The following GGA2 variants were observed in gnomAD, a reference collection of about 807,000 sequenced individuals.
GGA2 encodes the protein ADP-ribosylation factor-binding protein GGA2.
Under a neutral mutation model 79.5 loss-of-function variants are expected in GGA2, and 48 were observed. That is an observed-to-expected ratio of 0.60 (90% CI 0.48 to 0.77). The LOEUF (loss-of-function observed/expected upper bound fraction) is 0.77, where lower values mean the gene tolerates loss of function less well. Among genes scored for constraint, GGA2 ranks in the 30% least tolerant of loss-of-function variants. The pLI, the probability that GGA2 is intolerant of heterozygous loss-of-function variation, is 0.00. For synonymous variants in GGA2, 317 were observed against 302.0 expected, an observed-to-expected ratio of 1.05 and a Z score of -0.51; for missense variants, 770 against 774.0, an observed-to-expected ratio of 0.99 and a Z score of 0.06.
Position 23,493,279 on chromosome 16 carries a change from C to A in GGA2, c.351+81G>T. ...AGGTTTTGTCCATGCGTGGGCCTGC[C>A]TCTGGCCTGAGGAGGGAGCCAGGAG... On this transcript the variant is annotated intron_variant, in intron 4 of 16. Transcript: ENST00000309859. 1.3e-5 allele frequency: 11 copies of A among 854,180 alleles called. No individual in the cohort carries two copies. The South Asian group carries it at 1.5e-4, about 11-fold the overall frequency. The allele number at this position is 854,180 out of a possible 1,614,324, so 52.9% of individuals were successfully genotyped here. A position where few individuals can be genotyped will look rare whatever the true frequency, so the allele number is the denominator to read the frequency against.
upstream of GGA2, among the ~76,000 whole-genome samples, chr16:23,512,889 G>A (rs1440290283): frequency 6.6e-6 from 1 of 151,818 alleles, no homozygotes; most frequent in Non-Finnish European, 1.5e-5. Flanking sequence ...ATCTTTAGTA[G>A]AGACAGCGTT....
chr16:23,475,668 C>T (rs1429128609), intron 13 of GGA2, among the ~76,000 whole-genome samples: 2 of 151,492 alleles, frequency 1.3e-5, no homozygotes, highest in Non-Finnish European at 2.9e-5. Context: ...TTTTGGGAGG[C>T]CGAGGCAGGT....
intron 1 of GGA2, among the ~76,000 whole-genome samples, chr16:23,496,121 T>C (rs1395749505): frequency 1.3e-5 from 2 of 151,732 alleles, no homozygotes; most frequent in African/African-American, 2.4e-5. Context: ...ACCAACATGA[T>C]GAAACCCCAT....
intron 3 of GGA2, chr16:23,494,040 T>C (rs1964823329): frequency 4.0e-6 from 2 of 499,882 alleles, no homozygotes; most frequent in South Asian, 2.5e-5. Flanking sequence ...CCAGCCCTGG[T>C]CTAAGAAGGG....
At chr16:23,502,122 C>G (rs1364182426) in intron 1 of GGA2, among the ~76,000 whole-genome samples, 1 of 152,226 alleles carries the variant, frequency 6.6e-6, no homozygotes, top group Non-Finnish European at 1.5e-5. Context: ...GTATGGTTCT[C>G]TGCCCACTGA....
chr16:23,504,144 C>CTGGTT (rs1964949881), intron 1 of GGA2, among the ~76,000 whole-genome samples: 1 of 150,656 alleles, frequency 6.6e-6, no homozygotes, highest in Non-Finnish European at 1.5e-5. Context: ...TCAGAACAAT[C>CTGGTT]CAGGTTGGCA....
chr16:23,504,169 A>G (rs1297061461), intron 1 of GGA2, among the ~76,000 whole-genome samples: 1 of 152,124 alleles, frequency 6.6e-6, no homozygotes, highest in Non-Finnish European at 1.5e-5. Context: ...CATCTACACC[A>G]TTTTACAGAT....
chr16:23,513,147 C>G (rs1965083698), upstream of GGA2, among the ~76,000 whole-genome samples: 2 of 152,162 alleles, frequency 1.3e-5, no homozygotes, highest in African/African-American at 2.4e-5. Flanking sequence ...TACAGTTTGC[C>G]AAGGACCATC....
upstream of GGA2, among the ~76,000 whole-genome samples, chr16:23,511,284 C>T (rs1015544209): frequency 2.7e-5 from 4 of 146,898 alleles, no homozygotes; most frequent in African/African-American, 1.0e-4. Context: ...TCCCGAGTAG[C>T]TGGGACTACA....
Position 23,478,410 on chromosome 16 carries a change from T to C in GGA2, c.1250A>G (p.Asn417Ser). 6.2e-7 allele frequency: 1 copy of C among 1,610,686 alleles called. No homozygotes were observed. Among genetic ancestry groups the C allele is most frequent in the Non-Finnish European group, 8.5e-7 (1 of 1,177,848 alleles). The change falls in exon 13 of 17, where the codon AAT becomes AGT. Residue 417 changes from asparagine (N) to serine (S), a missense_variant. Transcript: ENST00000309859. ...CTGTGCTGAGAGGAGGTCCAGCAAA[T>C]TCCTGTCTGCAGAAGGGTTCTGAAC... ...GGVQNPSADR[N>S]LLDLLSAQPA...
chr16:23,475,183 A>T, intron 13 of GGA2, 122 bp from the exon 14 acceptor site: 3 of 491,238 alleles, frequency 6.1e-6, no homozygotes, highest in Non-Finnish European at 1.1e-5. Context: ...GTTAGATGTT[A>T]TATGCCTTTT....
chr16:23,520,518 G>A (rs892435018), intron 1 of GGA2, among the ~76,000 whole-genome samples: 4 of 152,044 alleles, frequency 2.6e-5, no homozygotes, highest in African/African-American at 9.7e-5. Flanking sequence ...TTAGCCAGGT[G>A]TGGTGGCATG....
At chr16:23,477,014 T>A (rs941133150) in intron 13 of GGA2, among the ~76,000 whole-genome samples, 1 of 152,170 alleles carries the variant, frequency 6.6e-6, no homozygotes, top group African/African-American at 2.4e-5. Flanking sequence ...TGCAGTGGCA[T>A]AGTAATGGCT....
At chr16:23,485,952 G>A in intron 8 of GGA2, 63 bp downstream of exon 8, 1 of 1,484,392 alleles carries the variant, frequency 6.7e-7, no homozygotes, top group Non-Finnish European at 9.3e-7. Context: ...GTGCAAACAG[G>A]TGAAAGCATT....
intron 6 of GGA2, among the ~76,000 whole-genome samples, chr16:23,487,584 G>A (rs1002418372): frequency 6.6e-6 from 1 of 152,110 alleles, no homozygotes; most frequent in Non-Finnish European, 1.5e-5. Flanking sequence ...GCCTGGCACA[G>A]AGAAGTCACT....
chr16:23,495,170 G>C (rs931987210), intron 2 of GGA2, among the ~76,000 whole-genome samples: 3 of 152,086 alleles, frequency 2.0e-5, no homozygotes, highest in Admixed American at 6.5e-5. Context: ...CTATCCAGAT[G>C]CTGTGGAAAC....
In GGA2 at chr16:23,494,011, G is replaced by A; in HGVS notation, c.252+292C>T. The A allele has an allele frequency of 6.7e-6, 3 of 447,466 alleles. No individual in the cohort carries two copies. The South Asian group carries it at 8.5e-5, about 13-fold the overall frequency. The allele number at this position is 447,466 out of a possible 1,614,324, so 27.7% of individuals were successfully genotyped here. A position where few individuals can be genotyped will look rare whatever the true frequency, so the allele number is the denominator to read the frequency against. On this transcript the variant is annotated intron_variant, in intron 3 of 16. Transcript: ENST00000309859. ...CCCTGTGCTAGAACTGCCCTCTCTA[G>A]AAAAGGCACATGAACTTGCCAGCCC...
At chr16:23,493,495 G>C (rs754177905) in intron 3 of GGA2, 37 bp from the exon 4 acceptor site, 3 of 1,333,076 alleles carry the variant, frequency 2.3e-6, no homozygotes, top group Non-Finnish European at 3.3e-6. Flanking sequence ...AAGGTGGAAA[G>C]CCAGTGGTCC....
chr16:23,500,232 C>A (rs1440164409), intron 1 of GGA2, among the ~76,000 whole-genome samples: 2 of 152,196 alleles, frequency 1.3e-5, no homozygotes, highest in South Asian at 4.1e-4. Flanking sequence ...GCCCTGCCAG[C>A]GTGCCTTTGC....
Sources: allele counts gnomAD v4.1 joint callset (sites outside exome capture counted in the v4.1 genomes callset), GRCh38; gene constraint gnomAD v4.1.1; transcripts MANE v1.5; gene names NCBI Gene and HGNC (gene_info 2026-07-23, HGNC 2026-07-21).